The following TTC7B variants were observed in gnomAD, a reference collection of about 807,000 sequenced individuals.
The protein encoded by TTC7B is tetratricopeptide repeat domain 7B.
In TTC7B, 28 loss-of-function variants were observed where a neutral mutation model predicts 106.8. The ratio of observed to expected loss-of-function variants is 0.26; its 90% confidence interval spans 0.19 to 0.36. The LOEUF (loss-of-function observed/expected upper bound fraction) is 0.36, where lower values mean the gene tolerates loss of function less well. TTC7B is among the 10% of genes least tolerant of loss of function. The probability of loss-of-function intolerance (pLI) is 1.00; values close to 1 mark genes in which losing one functional copy is unlikely to be tolerated. For missense variants in TTC7B, 862 were observed against 1,076.4 expected, an observed-to-expected ratio of 0.80 and a Z score of 2.79; for synonymous variants, 405 against 430.6, an observed-to-expected ratio of 0.94 and a Z score of 0.74.
rs1891489986 is a variant in TTC7B, at chr14:90,581,512, G to A, written c.2108-3204C>T. ...CCCACTGAGGTTTTGGTTCTCGAGTGCAGTGGCAACACAGGGGAGCAGGAC... is the reference window on the plus strand; with the variant it reads ...CCCACTGAGGTTTTGGTTCTCGAGTACAGTGGCAACACAGGGGAGCAGGAC... On this transcript the variant is annotated intron_variant, in intron 18 of 19. Transcript: ENST00000328459. Among the ~76,000 whole-genome samples, 4 of 152,170 alleles carry A rather than the reference G, an allele frequency of 2.6e-5. No homozygotes were observed. In the South Asian group the frequency reaches 6.2e-4, roughly 24 times the overall value.
intron 5 of TTC7B, among the ~76,000 whole-genome samples, chr14:90,728,964 G>A (rs1179526600): frequency 6.6e-6 from 1 of 152,204 alleles, no homozygotes; most frequent in African/African-American, 2.4e-5. Context: ...TTAGCTTAGG[G>A]GACGTGCACC....
intron 19 of TTC7B, among the ~76,000 whole-genome samples, chr14:90,547,273 T>C (rs1889877147): frequency 6.6e-6 from 1 of 152,258 alleles, no homozygotes; most frequent in East Asian, 1.9e-4. Flanking sequence ...AACCTGTTAT[T>C]TCAAATGAGA....
intron 16 of TTC7B, 53 bp downstream of exon 16, chr14:90,617,876 T>A (rs1893147496): frequency 2.1e-6 from 3 of 1,400,932 alleles, no homozygotes; most frequent in African/African-American, 1.4e-5. Context: ...AAGGCACTGA[T>A]AGGCAGGGAC....
At chr14:90,789,895 C>CAA (rs1325409536) in intron 1 of TTC7B, among the ~76,000 whole-genome samples, 5 of 113,218 alleles carry the variant, frequency 4.4e-5, no homozygotes, top group African/African-American at 9.9e-5. Context: ...GACTCTGTCT[C>CAA]AAAAAAAAAA....
At chr14:90,699,595 C>G (rs1368629782) in intron 5 of TTC7B, among the ~76,000 whole-genome samples, 1 of 152,154 alleles carries the variant, frequency 6.6e-6, no homozygotes, top group African/African-American at 2.4e-5. Context: ...AGGAGGCCTG[C>G]TAGAGTCTAT....
chr14:90,591,589 G>A (rs1425601617), intron 18 of TTC7B, among the ~76,000 whole-genome samples: 1 of 152,188 alleles, frequency 6.6e-6, no homozygotes, highest in East Asian at 1.9e-4. Context: ...TTCGAGGTCA[G>A]GGGGGCTAGT....
At chr14:90,675,522 T>C (rs1187981266) in intron 9 of TTC7B, among the ~76,000 whole-genome samples, 1 of 152,156 alleles carries the variant, frequency 6.6e-6, no homozygotes, top group Non-Finnish European at 1.5e-5. Context: ...CACACTGCTT[T>C]GTCAGGCCAG....
intron 1 of TTC7B, among the ~76,000 whole-genome samples, chr14:90,794,450 T>A (rs185296818): frequency 6.0e-4 from 91 of 151,912 alleles, no homozygotes; most frequent in African/African-American, 2.1e-3. Context: ...ATGGTCTCAA[T>A]CTCTTCACCT....
intron 1 of TTC7B, among the ~76,000 whole-genome samples, chr14:90,798,222 G>A (rs572623134): frequency 5.9e-5 from 9 of 152,296 alleles, no homozygotes; most frequent in Admixed American, 5.9e-4. Flanking sequence ...AAGCGTAAGA[G>A]AGCCCAGCCA....
chr14:90,625,801 G>T (rs1884414052), intron 15 of TTC7B, among the ~76,000 whole-genome samples: 1 of 152,188 alleles, frequency 6.6e-6, no homozygotes, highest in Admixed American at 6.5e-5. Flanking sequence ...TTCCTCAACG[G>T]TTACACAGGA....
rs1351698519 is a variant in TTC7B, at chr14:90,779,366, C to T, written c.445+1372G>A. On this transcript the variant is annotated intron_variant, in intron 3 of 19. Transcript: ENST00000328459. ...TCGCACAGGCTGGAGTGCAATGGCG[C>T]GATCTCAGCTCACTGCAACCTCTGC... 2.0e-5 allele frequency among the ~76,000 whole-genome samples: 3 copies of T among 152,132 alleles called. No homozygotes were observed. In the East Asian group the frequency reaches 5.8e-4, roughly 29 times the overall value.
At chr14:90,758,754 C>T in intron 3 of TTC7B, among the ~76,000 whole-genome samples, 1 of 152,270 alleles carries the variant, frequency 6.6e-6, no homozygotes, top group South Asian at 2.1e-4. Flanking sequence ...CTCCTTCAGT[C>T]CGGACTCGGC....
At chr14:90,770,933 G>A (rs907864535) in intron 3 of TTC7B, among the ~76,000 whole-genome samples, 5 of 152,164 alleles carry the variant, frequency 3.3e-5, no homozygotes, top group African/African-American at 4.8e-5. Flanking sequence ...TAAGTGAAAC[G>A]TAAGCCAATC....
intron 2 of TTC7B, among the ~76,000 whole-genome samples, chr14:90,785,512 G>A (rs1206313586): frequency 6.6e-6 from 1 of 152,118 alleles, no homozygotes; most frequent in East Asian, 1.9e-4. Flanking sequence ...AGAAGGGCAG[G>A]GCGGGAAGAG....
In TTC7B at chr14:90,695,580, T is replaced by C; in HGVS notation, c.699-2A>G. The C allele has an allele frequency of 4.4e-6, 7 of 1,589,910 alleles. No homozygotes were observed. The highest frequency in any genetic ancestry group is 6.0e-6 in the Non-Finnish European group (7 of 1,168,788). On this transcript the variant is annotated splice_acceptor_variant, in intron 5 of 19. Coordinates refer to ENST00000328459, the MANE Select transcript of TTC7B (RefSeq NM_001010854.2). LOFTEE classifies it high-confidence loss of function. ...CTTCCGACTCCTCTTGTCAAGTTCCTGTGTGGACACAGAATTTGACGGTTT... is the reference window on the plus strand; with the variant it reads ...CTTCCGACTCCTCTTGTCAAGTTCCCGTGTGGACACAGAATTTGACGGTTT...
In TTC7B at chr14:90,808,832, C is replaced by T. The variant is rs117299324; in HGVS notation, c.121+7343G>A. ...ATTCAGAGGGGCAGGAATCCACCCACGTGTGGCCAACGTGAATAAGAACCA... is the reference window on the plus strand; with the variant it reads ...ATTCAGAGGGGCAGGAATCCACCCATGTGTGGCCAACGTGAATAAGAACCA... On this transcript the variant is annotated intron_variant, in intron 1 of 19. Coordinates refer to ENST00000328459, the MANE Select transcript of TTC7B (RefSeq NM_001010854.2). This position sits in a 1 kb window ranked among gnomAD's most constrained non-coding sequence, Gnocchi z 4.2. Among the ~76,000 whole-genome samples the T allele has an allele frequency of 4.6e-5, 7 of 152,324 alleles. No individual in the cohort carries two copies. In the South Asian group the frequency reaches 6.2e-4, roughly 14 times the overall value.
chr14:90,568,048 A>G (rs1280771914), intron 19 of TTC7B, among the ~76,000 whole-genome samples: 2 of 152,222 alleles, frequency 1.3e-5, no homozygotes, highest in South Asian at 2.1e-4. Flanking sequence ...ATGGTGGGAA[A>G]GCAATTCAGG....
intron 9 of TTC7B, among the ~76,000 whole-genome samples, chr14:90,665,545 T>C (rs1886377667): frequency 6.6e-6 from 1 of 152,230 alleles, no homozygotes; most frequent in African/African-American, 2.4e-5. Context: ...CAGCGACAGC[T>C]GTACAGTACC....
At chr14:90,656,753 C>A (rs1885962839) in intron 11 of TTC7B, among the ~76,000 whole-genome samples, 1 of 152,154 alleles carries the variant, frequency 6.6e-6, no homozygotes, top group Non-Finnish European at 1.5e-5. Flanking sequence ...TGATCGTGCA[C>A]TCCAGCCTGG....
Sources: gnomAD v4.1 joint callset for allele counts (sites outside exome capture counted in the v4.1 genomes callset) on GRCh38, gnomAD v4.1.1 for gene constraint, Gnocchi (gnomAD v3.1) non-coding constraint, MANE v1.5 for transcripts, NCBI Gene and HGNC (gene_info 2026-07-23, HGNC 2026-07-21) for gene names.